Variants in IFT74 observed in about 807,000 individuals in gnomAD.
The protein encoded by IFT74 is intraflagellar transport protein 74 homolog.
IFT74 carries 92 observed loss-of-function variants against 96.7 expected under a neutral mutation model. That is an observed-to-expected ratio of 0.95 (90% CI 0.80 to 1.13). The LOEUF (loss-of-function observed/expected upper bound fraction) is 1.13, where lower values mean the gene tolerates loss of function less well. Among genes scored for constraint, IFT74 ranks in the 50% most tolerant of loss-of-function variants. IFT74 has a pLI of 0.00. For synonymous variants in IFT74, 223 were observed against 213.2 expected (o/e 1.05, Z -0.40); for missense variants, 811 against 698.2 (o/e 1.16, Z -1.82).
rs533072277 is a variant in IFT74 at position 27,012,016 on chromosome 9, G to A, written c.789+48G>A. ...GTTCTCATACTACTCAGCTAAAAAA[G>A]TTAATTCAGCCAAGTATATTAATAT... On this transcript the variant is annotated intron_variant, in intron 10 of 19. Coordinates refer to ENST00000380062, the MANE Select transcript of IFT74 (RefSeq NM_025103.4). 72 of 1,213,112 alleles carry A rather than the reference G, an allele frequency of 5.9e-5. No homozygotes were observed. In the South Asian group the frequency reaches 1.0e-3, roughly 17 times the overall value. The allele number at this position is 1,213,112 out of a possible 1,614,324, so 75.1% of individuals were successfully genotyped here.
chr9:27,003,029 A>G (rs1258978815), intron 8 of IFT74, among the ~76,000 whole-genome samples: 1 of 151,910 alleles, frequency 6.6e-6, no homozygotes, highest in Non-Finnish European at 1.5e-5. Flanking sequence ...ATTCCAAGGT[A>G]TTTTATATTC....
chr9:27,006,423 C>A (rs2131595163), intron 8 of IFT74, among the ~76,000 whole-genome samples: 1 of 152,132 alleles, frequency 6.6e-6, no homozygotes, highest in East Asian at 1.9e-4. Context: ...CTTAGCAAGA[C>A]CTTGTCTCTA....
intron 2 of IFT74, among the ~76,000 whole-genome samples, chr9:26,964,486 T>C (rs1379276478): frequency 6.6e-6 from 1 of 152,004 alleles, no homozygotes; most frequent in East Asian, 1.9e-4. Context: ...AGTAGTTTTT[T>C]CCAATTCTGT....
At chr9:26,996,852 T>C (rs1828183834) in intron 8 of IFT74, among the ~76,000 whole-genome samples, 1 of 152,160 alleles carries the variant, frequency 6.6e-6, no homozygotes, top group Non-Finnish European at 1.5e-5. Flanking sequence ...TTTAAAAAAT[T>C]AGTCTGACAT....
At chr9:26,986,783 T>G (rs1345385688) in intron 6 of IFT74, among the ~76,000 whole-genome samples, 1 of 151,960 alleles carries the variant, frequency 6.6e-6, no homozygotes, top group Admixed American at 6.6e-5. Flanking sequence ...CCAGCATGCC[T>G]GGCTAATTTT....
chr9:26,953,005 CA>C (rs1045786160), upstream of IFT74, among the ~76,000 whole-genome samples: 46 of 152,242 alleles, frequency 3.0e-4, no homozygotes, highest in African/African-American at 7.5e-4. Flanking sequence ...GGGGGAGAAA[CA>C]GCTTTTACAG....
intron 12 of IFT74, among the ~76,000 whole-genome samples, chr9:27,025,185 C>A (rs897590125): frequency 2.6e-5 from 4 of 151,998 alleles, no homozygotes; most frequent in African/African-American, 9.7e-5. Flanking sequence ...TGGCTCACAC[C>A]TGTAATCCCA....
chr9:27,021,130 A>G (rs1485446812), intron 12 of IFT74, among the ~76,000 whole-genome samples: 1 of 152,090 alleles, frequency 6.6e-6, no homozygotes, highest in African/African-American at 2.4e-5. Context: ...GAGTAGAATA[A>G]ACATATATAT....
intron 8 of IFT74, chr9:26,996,559 A>T: frequency 1.7e-6 from 2 of 1,157,838 alleles, no homozygotes; most frequent in Non-Finnish European, 2.2e-6. Flanking sequence ...ACAACATTTT[A>T]TAATTGTTTT....
chr9:27,062,988 A>G lies in IFT74; in HGVS notation c.*252A>G, dbSNP rs757610734. On this transcript the variant is annotated 3_prime_UTR_variant, in exon 20 of 20. Coordinates refer to ENST00000380062, the MANE Select transcript of IFT74 (RefSeq NM_025103.4). Reference sequence around the variant, plus strand: ...ATTTGAACCAAGAGATAAAGAAACTAAAAGTGACCGTTGAAATTTATTTAG... The same window carrying G: ...ATTTGAACCAAGAGATAAAGAAACTGAAAGTGACCGTTGAAATTTATTTAG... 1 of 375,436 alleles carries G rather than the reference A, an allele frequency of 2.7e-6. No homozygotes were observed. The highest frequency in any genetic ancestry group is 3.9e-5 in the South Asian group (1 of 25,866). The allele number at this position is 375,436 out of a possible 1,614,324, so 23.3% of individuals were successfully genotyped here.
chr9:27,011,171 G>A (rs1025762924), intron 9 of IFT74, among the ~76,000 whole-genome samples: 1 of 152,140 alleles, frequency 6.6e-6, no homozygotes, highest in Non-Finnish European at 1.5e-5. Context: ...GTACTTGGTT[G>A]ATCCCGGGAG....
At position 27,025,219 on chromosome 9, in the gene IFT74, C is replaced by T. The variant is rs918649188; in HGVS notation, c.975-3806C>T. On this transcript the variant is annotated intron_variant, in intron 12 of 19. Coordinates refer to ENST00000380062, the MANE Select transcript of IFT74 (RefSeq NM_025103.4). Reference sequence around the variant, plus strand: ...CAGCACTTTGGGAGGCCGAGGTGGGCGGAACATGAGGTCAGGAGTTCAAGA... The same window carrying T: ...CAGCACTTTGGGAGGCCGAGGTGGGTGGAACATGAGGTCAGGAGTTCAAGA... 7.9e-5 allele frequency among the ~76,000 whole-genome samples: 12 copies of T among 151,760 alleles called. No individual in the cohort carries two copies. In the South Asian group the frequency reaches 1.5e-3, roughly 18 times the overall value.
At chr9:26,959,088 T>TG (rs1826240629) in intron 1 of IFT74, among the ~76,000 whole-genome samples, 3 of 146,264 alleles carry the variant, frequency 2.1e-5, no homozygotes, top group Non-Finnish European at 3.0e-5. Flanking sequence ...AAGCTATTCT[T>TG]TTTGTTGTTG....
upstream of IFT74, chr9:26,955,692 G>A (rs1251089366): frequency 6.6e-6 from 1 of 152,018 alleles, no homozygotes; most frequent in Non-Finnish European, 1.5e-5. Context: ...AGGCAGGCAA[G>A]TTGGAAATAA....
rs200283942 is a variant in IFT74, at chr9:27,009,035, C to G, written c.603C>G (p.Ile201Met). 8 of 1,612,034 alleles carry G rather than the reference C, an allele frequency of 5.0e-6. No individual in the cohort carries two copies. The highest frequency in any genetic ancestry group is 6.8e-6 in the Non-Finnish European group (8 of 1,178,858). ...FTERQAKEKQIRSVEEEIEQE... is the reference protein window; with the variant it reads ...FTERQAKEKQMRSVEEEIEQE... ...CTGATTTTAGGAAAGAAAAACAAAT[C>G]AGAAGTGTCGAAGAAGAAATTGAAC... is the stretch of plus-strand genomic sequence containing the variant. The change falls in exon 9 of 20, where the codon ATC (isoleucine) becomes ATG (methionine). Residue 201 changes from isoleucine (I) to methionine (M), a missense_variant. Transcript: ENST00000380062.
intron 13 of IFT74, among the ~76,000 whole-genome samples, chr9:27,032,116 G>A (rs1830152224): frequency 6.6e-6 from 1 of 152,146 alleles, no homozygotes; most frequent in Non-Finnish European, 1.5e-5. Flanking sequence ...CAAAAAAAGT[G>A]ATCAGTTTTC....
intron 1 of IFT74, among the ~76,000 whole-genome samples, chr9:26,957,663 G>A (rs1826174078): frequency 6.6e-6 from 1 of 152,202 alleles, no homozygotes; most frequent in Non-Finnish European, 1.5e-5. Flanking sequence ...GAGTTATAAA[G>A]ATGCATGACT....
Position 27,018,692 on chromosome 9 carries a change from GTAT to G in IFT74, c.974+6_974+8del. The G allele has an allele frequency of 6.6e-7, 1 of 1,518,650 alleles. No individual in the cohort carries two copies. The highest frequency in any genetic ancestry group is 2.3e-5 in the East Asian group (1 of 43,806). 94.1% of individuals were successfully genotyped at this position (1,518,650 alleles called of 1,614,324 possible). ...AATAGCCAGCATGGAAAGACAGTAA[GTAT>G]CTTTATACTAGGACATTTTACATCC... On this transcript the variant is annotated splice_donor_region_variant and intron_variant, in intron 12 of 19. Transcript: ENST00000380062.
At chr9:26,984,386 T>C (rs1827538987) in intron 5 of IFT74, 31 bp downstream of exon 5, 2 of 1,577,698 alleles carry the variant, frequency 1.3e-6, no homozygotes, top group Non-Finnish European at 1.7e-6. Context: ...ATTCATTCAG[T>C]ATTTTGTGCT....
Sources: allele counts gnomAD v4.1 joint callset (sites outside exome capture counted in the v4.1 genomes callset), GRCh38; gene constraint gnomAD v4.1.1; transcripts MANE v1.5; gene names NCBI Gene and HGNC (gene_info 2026-07-23, HGNC 2026-07-21).